MUSK: variants seen among roughly 807,000 people sequenced by gnomAD.
MUSK encodes muscle, skeletal receptor tyrosine-protein kinase.
In MUSK, 55 loss-of-function variants were observed where a neutral mutation model predicts 88.7. The ratio of observed to expected loss-of-function variants is 0.62; its 90% CI spans 0.50 to 0.78. The LOEUF is 0.78. Among genes scored for constraint, MUSK ranks in the 30% least tolerant of loss-of-function variants. MUSK has a pLI of 0.00. For synonymous variants in MUSK, 387 were observed against 391.9 expected (o/e 0.99, Z 0.15); for missense variants, 1,015 against 1,074.3 (o/e 0.94, Z 0.77).
In MUSK at chr9:110,786,786, G is replaced by A. The variant is rs138272685; in HGVS notation, c.1779-904G>A. ...CGAATTGGAATAAAATACCCTTTCTGCTGCATGGATATGGCTCCACAGACA... is the reference window on the plus strand; with the variant it reads ...CGAATTGGAATAAAATACCCTTTCTACTGCATGGATATGGCTCCACAGACA... On this transcript the variant is annotated intron_variant, in intron 13 of 14. Coordinates refer to ENST00000374448, the MANE Select transcript of MUSK (RefSeq NM_005592.4). Among the ~76,000 whole-genome samples, 11 of 152,276 alleles carry A rather than the reference G, an allele frequency of 7.2e-5. No individual in the cohort carries two copies. The East Asian group carries it at 1.9e-3, about 27-fold the overall frequency.
chr9:110,679,392 G>A (rs1451747227), intron 1 of MUSK, among the ~76,000 whole-genome samples: 2 of 151,708 alleles, frequency 1.3e-5, no homozygotes, highest in Non-Finnish European at 1.5e-5. Flanking sequence ...CTATTGCTAT[G>A]TCACTTTCTT....
chr9:110,736,826 T>G (rs1587973760), intron 6 of MUSK, among the ~76,000 whole-genome samples: 1 of 152,112 alleles, frequency 6.6e-6, no homozygotes, highest in Admixed American at 6.6e-5. Context: ...TTACTGCTAA[T>G]CTTGTACCAC....
intron 7 of MUSK, among the ~76,000 whole-genome samples, chr9:110,760,600 A>T (rs1428340821): frequency 2.0e-5 from 3 of 152,162 alleles, no homozygotes; most frequent in African/African-American, 7.2e-5. Context: ...TAGGAAAAAA[A>T]AAAATAGAAC....
rs141787351 is a variant in MUSK, at chr9:110,761,676, C to T, written c.914-526C>T. Among the ~76,000 whole-genome samples the T allele has an allele frequency of 3.5e-3, 519 of 147,838 alleles. 4 individuals are homozygous for T. Among genetic ancestry groups the T allele is most frequent in the African/African-American group, 0.012 (464 of 40,330 alleles). ...GCAGGCTCCGCCCCCCGGGGGTTCA[C>T]GCCATTCTCCTGCCTCAGCCTCCCA... is the stretch of plus-strand genomic sequence containing the variant. On this transcript the variant is annotated intron_variant, in intron 7 of 14. Transcript: ENST00000374448.
chr9:110,685,744 T>C (rs932347305), intron 2 of MUSK, among the ~76,000 whole-genome samples: 10 of 152,194 alleles, frequency 6.6e-5, no homozygotes, highest in African/African-American at 1.9e-4. Flanking sequence ...TTTAAGATGA[T>C]GTAGATTTTC....
At chr9:110,768,280 T>C (rs1461044721) in intron 9 of MUSK, among the ~76,000 whole-genome samples, 197 bp downstream of exon 9, 1 of 152,178 alleles carries the variant, frequency 6.6e-6, no homozygotes, top group Non-Finnish European at 1.5e-5. Context: ...GGTGGATCAC[T>C]TGAGGTCAGG....
chr9:110,737,883 A>G (rs962892636), intron 6 of MUSK, among the ~76,000 whole-genome samples: 22 of 152,102 alleles, frequency 1.4e-4, no homozygotes, highest in African/African-American at 5.1e-4. Flanking sequence ...GTCCACCATG[A>G]TTGTCAACTA....
chr9:110,695,232 T>G (rs927248541), intron 3 of MUSK, among the ~76,000 whole-genome samples, 171 bp from the exon 4 acceptor site: 1 of 152,204 alleles, frequency 6.6e-6, no homozygotes, highest in Non-Finnish European at 1.5e-5. Context: ...TAAACTGATT[T>G]CTGTTTGAGA....
chr9:110,724,043 T>C (rs2076851525), intron 5 of MUSK, among the ~76,000 whole-genome samples: 1 of 152,070 alleles, frequency 6.6e-6, no homozygotes, highest in Non-Finnish European at 1.5e-5. Context: ...TCATTAATTC[T>C]TCACTTGACC....
At position 110,762,191 on chromosome 9, in the gene MUSK, C is replaced by CCAG; in HGVS notation, c.914-10_914-9insAGC. 1 of 1,443,218 alleles carries CCAG rather than the reference C, an allele frequency of 6.9e-7. No homozygotes were observed. Among genetic ancestry groups the CCAG allele is most frequent in the Non-Finnish European group, 9.1e-7 (1 of 1,093,250 alleles). The allele number at this position is 1,443,218 out of a possible 1,614,324, so 89.4% of individuals were successfully genotyped here. On this transcript the variant is annotated splice_polypyrimidine_tract_variant and intron_variant, in intron 7 of 14. Transcript: ENST00000374448. The stretch of plus-strand genomic sequence containing the variant: ...TTGACTTCCTGTGGGAACTTCCTTT[C>CCAG]CTGTTAATAGAATGGAGGTAAGAAA...
At chr9:110,754,077 A>C (rs1232202355) in intron 7 of MUSK, among the ~76,000 whole-genome samples, 4 of 152,222 alleles carry the variant, frequency 2.6e-5, no homozygotes. Flanking sequence ...CTTATCAACA[A>C]AACAGACACC....
intron 5 of MUSK, chr9:110,706,163 A>G (rs368020827): frequency 2.0e-6 from 1 of 501,882 alleles, no homozygotes; most frequent in Non-Finnish European, 4.1e-6. Flanking sequence ...GAATGAATAT[A>G]CAATGATAAA....
intron 5 of MUSK, among the ~76,000 whole-genome samples, chr9:110,716,408 A>C (rs2076744778): frequency 6.7e-6 from 1 of 150,188 alleles, no homozygotes; most frequent in Non-Finnish European, 1.5e-5. Flanking sequence ...TAGAAAGCTC[A>C]GGAAATTAAT....
intron 14 of MUSK, 83 bp from the exon 15 acceptor site, chr9:110,800,223 A>G (rs2078070342): frequency 1.6e-6 from 2 of 1,243,932 alleles, no homozygotes; most frequent in African/African-American, 1.5e-5. Flanking sequence ...ATATGTTCTG[A>G]CATGGTCGTT....
intron 5 of MUSK, among the ~76,000 whole-genome samples, chr9:110,705,385 A>G (rs1478935126): frequency 1.3e-5 from 2 of 152,170 alleles, no homozygotes; most frequent in Admixed American, 6.5e-5. Flanking sequence ...GAAGGAATCA[A>G]TCCATAAAGC....
chr9:110,679,839 C>A (rs1229818986), intron 1 of MUSK, among the ~76,000 whole-genome samples: 2 of 151,934 alleles, frequency 1.3e-5, no homozygotes, highest in Non-Finnish European at 2.9e-5. Flanking sequence ...AAGAGCTTAG[C>A]ATTTTTTAAT....
intron 5 of MUSK, among the ~76,000 whole-genome samples, chr9:110,723,938 C>G (rs1564246277): frequency 1.3e-5 from 2 of 152,008 alleles, no homozygotes. Flanking sequence ...AGCTCTAAAT[C>G]TGTTCTTCCC....
chr9:110,668,973 AC>A lies in MUSK; in HGVS notation c.70del (p.Leu24PhefsTer17). On this transcript the variant is annotated frameshift_variant, in exon 1 of 15. Transcript: ENST00000374448. LOFTEE classifies it high-confidence loss of function. Reference protein sequence around the residue: ...TLVAFSGTEKLPKAPVITTPL... With the variant: ...TLVAFSGTEKXPKAPVITTPL... Reference sequence around the variant, plus strand: ...TGGTTGCCTTCAGCGGAACTGAGAAACTTCCAAAAGGTTGGTTTGAGCAATC... The same window carrying A: ...TGGTTGCCTTCAGCGGAACTGAGAAATTCCAAAAGGTTGGTTTGAGCAATC... 6.2e-7 allele frequency: 1 copy of A among 1,613,512 alleles called. No homozygotes were observed. The highest frequency in any genetic ancestry group is 1.1e-5 in the South Asian group (1 of 91,074).
chr9:110,772,933 C>T (rs1012583146), intron 9 of MUSK, among the ~76,000 whole-genome samples: 17 of 152,030 alleles, frequency 1.1e-4, no homozygotes, highest in South Asian at 2.1e-4. Flanking sequence ...TTTTTAAAAG[C>T]GTGCTATCAC....
Sources: allele counts gnomAD v4.1 joint callset (sites outside exome capture counted in the v4.1 genomes callset), GRCh38; gene constraint gnomAD v4.1.1; transcripts MANE v1.5; gene names NCBI Gene and HGNC (gene_info 2026-07-23, HGNC 2026-07-21).